The following LEMD1 variants were observed in gnomAD, a reference collection of about 807,000 sequenced individuals.
LEMD1 encodes LEM domain-containing protein 1.
A neutral mutation model predicts 17.4 loss-of-function variants in LEMD1; 18 were observed. The ratio of observed to expected loss-of-function variants is 1.04; its 90% CI spans 0.72 to 1.54. The LOEUF (loss-of-function observed/expected upper bound fraction) is 1.54, where lower values mean the gene tolerates loss of function less well. Among genes scored for constraint, LEMD1 ranks in the 40% most tolerant of loss-of-function variants. LEMD1 has a pLI of 0.00. For synonymous variants in LEMD1, 88 were observed against 77.8 expected (o/e 1.13, Z -0.69); for missense variants, 195 against 210.4 (o/e 0.93, Z 0.45).
chr1:205,419,433 C>G lies in LEMD1; in HGVS notation c.83-81G>C, dbSNP rs147561468. On this transcript the variant is annotated intron_variant, in intron 2 of 5. Coordinates refer to ENST00000367153, the MANE Select transcript of LEMD1 (RefSeq NM_001199050.2). ...ACTAGGTTCAAGGTATTTCATAACT[C>G]AGAATTTTATTCTTAACCCTTACAT... is the stretch of plus-strand genomic sequence containing the variant. The G allele has an allele frequency of 2.7e-6, 4 of 1,491,364 alleles. No homozygotes were observed. In the African/African-American group the frequency reaches 5.5e-5, roughly 21 times the overall value. The allele number at this position is 1,491,364 out of a possible 1,614,324, so 92.4% of individuals were successfully genotyped here.
intron 2 of LEMD1, among the ~76,000 whole-genome samples, 169 bp from the exon 3 acceptor site, chr1:205,419,521 G>A (rs1665859886): frequency 6.6e-6 from 1 of 152,210 alleles, no homozygotes; most frequent in Non-Finnish European, 1.5e-5. Context: ...GCTTGGTGCA[G>A]TAGCTTGATC....
intron 4 of LEMD1, among the ~76,000 whole-genome samples, chr1:205,397,374 T>C (rs1664640814): frequency 6.6e-6 from 1 of 152,176 alleles, no homozygotes; most frequent in Admixed American, 6.5e-5. Flanking sequence ...TCTGCCTGTG[T>C]CCTCATCTGT....
intron 4 of LEMD1, among the ~76,000 whole-genome samples, chr1:205,408,788 T>C (rs2102406520): frequency 6.6e-6 from 1 of 151,402 alleles, no homozygotes; most frequent in Non-Finnish European, 1.5e-5. Context: ...AAGCGAGCCA[T>C]CAAGCTCAGC....
chr1:205,396,166 C>T (rs1664582481), intron 4 of LEMD1, among the ~76,000 whole-genome samples: 2 of 152,158 alleles, frequency 1.3e-5, no homozygotes. Flanking sequence ...CACCACTATG[C>T]TCAGCTGATT....
In LEMD1 at chr1:205,428,352, G is replaced by A. The variant is rs115344059; in HGVS notation, c.-38-7778C>T. 1.7e-3 allele frequency among the ~76,000 whole-genome samples: 256 copies of A among 152,236 alleles called. 3 individuals carry two copies. Among genetic ancestry groups the A allele is most frequent in the African/African-American group, 6.0e-3 (250 of 41,546 alleles). ...GGTGCTACGGAGGGGATGAGAGGAA[G>A]GGTGCAGGACTGGGTACAGGGATAT... On this transcript the variant is annotated intron_variant, in intron 1 of 3. Coordinates refer to the LEMD1 transcript ENST00000367154.
At chr1:205,383,005 A>G (rs1481522696) in intron 5 of LEMD1, among the ~76,000 whole-genome samples, 1 of 152,192 alleles carries the variant, frequency 6.6e-6, no homozygotes, top group East Asian at 1.9e-4. Flanking sequence ...TTGAGCTTTT[A>G]TTTGAACTAC....
chr1:205,411,113 AAGG>A (rs1197003470), intron 4 of LEMD1, among the ~76,000 whole-genome samples: 4 of 148,030 alleles, frequency 2.7e-5, no homozygotes, highest in Non-Finnish European at 4.5e-5. Context: ...GAAAGAAAGG[AAGG>A]AGGGAGGGAG....
chr1:205,406,707 C>A (rs1665128536), intron 4 of LEMD1, among the ~76,000 whole-genome samples: 1 of 152,198 alleles, frequency 6.6e-6, no homozygotes, highest in African/African-American at 2.4e-5. Flanking sequence ...TGGTGCGCTG[C>A]ACCCACTGTC....
chr1:205,412,613 G>T (rs572385409), intron 4 of LEMD1, among the ~76,000 whole-genome samples: 8 of 152,274 alleles, frequency 5.3e-5, no homozygotes, highest in African/African-American at 1.9e-4. Context: ...TTAGACAAGT[G>T]TCTCAATAAA....
At position 205,449,138 on chromosome 1, in the gene LEMD1, G is replaced by A. The variant is rs374166357; in HGVS notation, c.-39+730C>T. On this transcript the variant is annotated intron_variant, in intron 1 of 3. Coordinates refer to the LEMD1 transcript ENST00000367154. ...CCTGACAAGGCTGTGGGAGGGGTGC[G>A]CAGTGCCCTGCCGCTCTCATTGGCA... Among the ~76,000 whole-genome samples, 546 of 152,312 alleles carry A rather than the reference G, an allele frequency of 3.6e-3. 4 individuals carry two copies. Among genetic ancestry groups the A allele is most frequent in the African/African-American group, 8.7e-3 (362 of 41,560 alleles).
chr1:205,392,955 A>G (rs1350072216), intron 4 of LEMD1, among the ~76,000 whole-genome samples: 1 of 152,210 alleles, frequency 6.6e-6, no homozygotes, highest in East Asian at 1.9e-4. Context: ...GACATTATCA[A>G]GAAAGTAGCC....
At chr1:205,412,930 G>A (rs1665518510) in intron 4 of LEMD1, among the ~76,000 whole-genome samples, 1 of 152,150 alleles carries the variant, frequency 6.6e-6, no homozygotes, top group Non-Finnish European at 1.5e-5. Flanking sequence ...CTATATTAAA[G>A]GGTTTTCTGC....
intron 4 of LEMD1, among the ~76,000 whole-genome samples, chr1:205,397,137 C>G (rs77094905): frequency 7.9e-5 from 12 of 152,068 alleles, no homozygotes; most frequent in African/African-American, 2.9e-4. Context: ...ATCAGAAAGA[C>G]GAGCCTTTGC....
chr1:205,424,378 T>C (rs1666029574), upstream of LEMD1, among the ~76,000 whole-genome samples: 1 of 152,230 alleles, frequency 6.6e-6, no homozygotes, highest in African/African-American at 2.4e-5. Context: ...TGAGCTGATC[T>C]GGTTGGCATC....
chr1:205,417,832 TAA>T (rs35330399), intron 3 of LEMD1, among the ~76,000 whole-genome samples: 7,516 of 143,770 alleles, frequency 0.052, 492 homozygotes, highest in African/African-American at 0.16. Flanking sequence ...TCAGACATGG[TAA>T]AAAAAAAAAA....
Position 205,419,140 on chromosome 1 carries a change from C to G in LEMD1, c.205+90G>C. ...CCCTATGGCTATTTCACAGGTCAGGCTGCACACCATTTAAAGCTGCATAAA... is the reference window on the plus strand; with the variant it reads ...CCCTATGGCTATTTCACAGGTCAGGGTGCACACCATTTAAAGCTGCATAAA... On this transcript the variant is annotated intron_variant, in intron 3 of 5. Coordinates refer to ENST00000367153, the MANE Select transcript of LEMD1 (RefSeq NM_001199050.2). The G allele has an allele frequency of 4.1e-6, 6 of 1,476,158 alleles. No homozygotes were observed. The South Asian group carries it at 7.8e-5, about 19-fold the overall frequency. The allele number at this position is 1,476,158 out of a possible 1,614,324, so 91.4% of individuals were successfully genotyped here. A position where few individuals can be genotyped will look rare whatever the true frequency, so the allele number is the denominator to read the frequency against.
chr1:205,385,161 A>G (rs1663930919), intron 4 of LEMD1: 1 of 152,036 alleles, frequency 6.6e-6, no homozygotes, highest in African/African-American at 2.4e-5. Context: ...TCACTCTTCT[A>G]TGCTATATTT....
chr1:205,447,741 A>G (rs1666425155), intron 1 of LEMD1, among the ~76,000 whole-genome samples: 1 of 123,238 alleles, frequency 8.1e-6, no homozygotes, highest in African/African-American at 2.8e-5. Context: ...CCTGGAGTCC[A>G]GCCTGTCGCC....
At chr1:205,439,411 A>G (rs890950605) in intron 1 of LEMD1, among the ~76,000 whole-genome samples, 1 of 152,246 alleles carries the variant, frequency 6.6e-6, no homozygotes. Flanking sequence ...AGACAACCTG[A>G]ATCCCACCCA....
Sources: allele counts gnomAD v4.1 joint callset (sites outside exome capture counted in the v4.1 genomes callset), GRCh38; gene constraint gnomAD v4.1.1; transcripts MANE v1.5; gene names NCBI Gene and HGNC (gene_info 2026-07-23, HGNC 2026-07-21).